FIG4: variants seen among roughly 807,000 people sequenced by gnomAD.
FIG4 encodes polyphosphoinositide phosphatase.
FIG4 carries 112 observed loss-of-function variants against 118.6 expected under a neutral mutation model. The ratio of observed to expected loss-of-function variants is 0.94; its 90% CI spans 0.81 to 1.11. The LOEUF is 1.11. Ranked by LOEUF, FIG4 falls within the 50% of genes least tolerant of loss-of-function variation. The pLI, the probability that FIG4 is intolerant of heterozygous loss-of-function variation, is 0.00. For synonymous variants in FIG4, 369 were observed against 381.2 expected (o/e 0.97, Z 0.37); for missense variants, 969 against 1,111.7 (o/e 0.87, Z 1.83).
chr6:109,763,005 A>C lies in FIG4; in HGVS notation c.1388+798A>C, dbSNP rs541584585. 3.9e-5 allele frequency among the ~76,000 whole-genome samples: 6 copies of C among 152,350 alleles called. No homozygotes were observed. The South Asian group carries it at 6.2e-4, about 16-fold the overall frequency. Reference sequence around the variant, plus strand: ...GCTTCCAGAGTCTTCTCCTCAGTGGAGTTGCATAGAACACACTTAATTCCC... The same window carrying C: ...GCTTCCAGAGTCTTCTCCTCAGTGGCGTTGCATAGAACACACTTAATTCCC... On this transcript the variant is annotated intron_variant, in intron 12 of 22. Transcript: ENST00000230124.
intron 8 of FIG4, among the ~76,000 whole-genome samples, chr6:109,741,833 T>C (rs970969251): frequency 6.6e-6 from 1 of 152,100 alleles, no homozygotes; most frequent in Non-Finnish European, 1.5e-5. Flanking sequence ...TAATATCTAA[T>C]ATGATGTAAA....
intron 10 of FIG4, among the ~76,000 whole-genome samples, chr6:109,757,588 A>C (rs1215779526): frequency 6.6e-6 from 1 of 152,198 alleles, no homozygotes; most frequent in East Asian, 1.9e-4. Context: ...CTCCTCTTCA[A>C]CATGGTATGG....
intron 1 of FIG4, among the ~76,000 whole-genome samples, chr6:109,704,747 C>A (rs1775012998): frequency 6.8e-6 from 1 of 146,034 alleles, no homozygotes; most frequent in Non-Finnish European, 1.5e-5. Context: ...GCCTGATGAA[C>A]TATTCTAGAT....
At chr6:109,755,194 AC>A (rs1311220475) in intron 10 of FIG4, among the ~76,000 whole-genome samples, 7 of 151,906 alleles carry the variant, frequency 4.6e-5, no homozygotes, top group African/African-American at 1.7e-4. Context: ...TTCGTTATGT[AC>A]CCAGTAGTCA....
chr6:109,706,900 C>T (rs1008249323), intron 1 of FIG4, among the ~76,000 whole-genome samples: 22 of 152,082 alleles, frequency 1.4e-4, no homozygotes, highest in Middle Eastern at 3.4e-3. Context: ...CTTAGGTGAA[C>T]GCTGTTAGAT....
intron 22 of FIG4, among the ~76,000 whole-genome samples, chr6:109,807,279 C>G (rs933409178): frequency 9.9e-5 from 15 of 152,132 alleles, no homozygotes; most frequent in Admixed American, 2.0e-4. Flanking sequence ...CTGTTGTTTC[C>G]TGACTTTTAA....
At chr6:109,693,380 C>A (rs952840401) in intron 1 of FIG4, among the ~76,000 whole-genome samples, 6 of 152,156 alleles carry the variant, frequency 3.9e-5, no homozygotes, top group African/African-American at 9.7e-5. Flanking sequence ...CTGATCCTCA[C>A]AGCACATATC....
At chr6:109,730,688 T>A (rs1206499511) in intron 4 of FIG4, among the ~76,000 whole-genome samples, 1 of 152,212 alleles carries the variant, frequency 6.6e-6, no homozygotes, top group Non-Finnish European at 1.5e-5. Flanking sequence ...GGGGAAAAGA[T>A]GGGATAAATA....
At chr6:109,761,543 G>C (rs1004740857) in intron 11 of FIG4, among the ~76,000 whole-genome samples, 4 of 152,006 alleles carry the variant, frequency 2.6e-5, no homozygotes, top group Non-Finnish European at 5.9e-5. Flanking sequence ...CCTCCACCAC[G>C]CCCGGCTAAT....
At chr6:109,788,033 TTAC>T (rs1778032695) in intron 18 of FIG4, among the ~76,000 whole-genome samples, 1 of 152,196 alleles carries the variant, frequency 6.6e-6, no homozygotes, top group Non-Finnish European at 1.5e-5. Flanking sequence ...TATAATAACT[TTAC>T]TATAAAACAG....
rs1408356001 is a variant in FIG4 at position 109,743,511 on chromosome 6, T to C, written c.1040-164T>C. On this transcript the variant is annotated intron_variant, in intron 9 of 22. Coordinates refer to ENST00000230124, the MANE Select transcript of FIG4 (RefSeq NM_014845.6). ...GTAAGAATCATTCAAATGTAATAAA[T>C]ACATGATGAATAAGTGTCTAGTGAG... is the stretch of plus-strand genomic sequence containing the variant. 7 of 687,316 alleles carry C rather than the reference T, an allele frequency of 1.0e-5. 1 individual carries two copies. In the Admixed American group the frequency reaches 1.4e-4, roughly 13 times the overall value. The allele number at this position is 687,316 out of a possible 1,614,324, so 42.6% of individuals were successfully genotyped here. A position where few individuals can be genotyped will look rare whatever the true frequency, so the allele number is the denominator to read the frequency against.
chr6:109,724,834 C>CATAT (rs147633842), intron 3 of FIG4, among the ~76,000 whole-genome samples: 2,368 of 138,752 alleles, frequency 0.017, 40 homozygotes, highest in Admixed American at 0.047. Context: ...TGTGTGTGTA[C>CATAT]ATATATATAT....
Position 109,792,583 on chromosome 6 carries a change from A to G in FIG4, c.2378A>G (p.Asn793Ser). 1 of 1,582,088 alleles carries G rather than the reference A, an allele frequency of 6.3e-7. No individual in the cohort carries two copies. Among genetic ancestry groups the G allele is most frequent in the Non-Finnish European group, 8.7e-7 (1 of 1,152,624 alleles). ...TTCTTTTTTTTTTTTAAACCCCAGA[A>G]TGTGGTCCAACCCATGAAGGAGCTA... is the stretch of plus-strand genomic sequence containing the variant. ...DAGDSAKVTENVVQPMKELYG... is the reference protein window; with the variant it reads ...DAGDSAKVTESVVQPMKELYG... The change falls in exon 21 of 23, where the codon AAT becomes AGT. Residue 793 changes from asparagine to serine, a missense_variant and splice_region_variant. Asn to Ser is a conservative substitution (Grantham distance 46, BLOSUM62 1). Transcript: ENST00000230124.
At chr6:109,804,795 A>G (rs951995485) in intron 22 of FIG4, among the ~76,000 whole-genome samples, 1 of 152,204 alleles carries the variant, frequency 6.6e-6, no homozygotes, top group Admixed American at 6.5e-5. Flanking sequence ...ATGGGAACAG[A>G]AAGTCCTTGT....
chr6:109,713,788 C>A (rs894745254), intron 1 of FIG4, among the ~76,000 whole-genome samples: 4 of 152,074 alleles, frequency 2.6e-5, no homozygotes, highest in Admixed American at 6.5e-5. Flanking sequence ...CCCACTAGAG[C>A]TCTTCACCAA....
At chr6:109,744,678 A>T (rs1252278668) in intron 10 of FIG4, among the ~76,000 whole-genome samples, 1 of 152,110 alleles carries the variant, frequency 6.6e-6, no homozygotes, top group East Asian at 1.9e-4. Flanking sequence ...TCTCGGATAC[A>T]TGTGCAGAAC....
Position 109,691,302 on chromosome 6 carries a change from C to T in FIG4, c.-134C>T. 2 of 753,106 alleles carry T rather than the reference C, an allele frequency of 2.7e-6. No homozygotes were observed. Among genetic ancestry groups the T allele is most frequent in the Non-Finnish European group, 2.3e-6 (1 of 426,720 alleles). The allele number at this position is 753,106 out of a possible 1,614,324, so 46.7% of individuals were successfully genotyped here. A position where few individuals can be genotyped will look rare whatever the true frequency, so the allele number is the denominator to read the frequency against. On this transcript the variant is annotated 5_prime_UTR_variant, in exon 1 of 23. Coordinates refer to ENST00000230124, the MANE Select transcript of FIG4 (RefSeq NM_014845.6). ...CAGGGATCCGGAAACACCTGATCAT[C>T]TATAGGTTTAGTGCCTAATGGGTGT...
chr6:109,792,736 CTTT>C (rs34998755), intron 21 of FIG4, 72 bp downstream of exon 21: 18,491 of 413,166 alleles, frequency 0.045, 1 homozygote, highest in East Asian at 0.051. Flanking sequence ...ACTACTATAC[CTTT>C]TTTTTTTTTT....
rs143339831 is a variant in FIG4 at position 109,712,704 on chromosome 6, T to C, written c.67-2374T>C. ...CCTGTAGCTCAATGAACTTCATTTC[T>C]ATTCCTATTCTGAATTCTATTTCTG... On this transcript the variant is annotated intron_variant, in intron 1 of 22. Transcript: ENST00000230124. Among the ~76,000 whole-genome samples, 94 of 152,358 alleles carry C rather than the reference T, an allele frequency of 6.2e-4. 1 individual carries two copies. In the East Asian group the frequency reaches 0.012, roughly 19 times the overall value.
Sources: gnomAD v4.1 joint callset for allele counts (sites outside exome capture counted in the v4.1 genomes callset) on GRCh38, gnomAD v4.1.1 for gene constraint, MANE v1.5 for transcripts, NCBI Gene and HGNC (gene_info 2026-07-23, HGNC 2026-07-21) for gene names.